OPCML: variants seen among roughly 807,000 people sequenced by gnomAD.
OPCML encodes opioid-binding protein/cell adhesion molecule.
OPCML carries 13 observed loss-of-function variants against 37.8 expected under a neutral mutation model. The ratio of observed to expected loss-of-function variants is 0.34; its 90% confidence interval spans 0.22 to 0.55. OPCML has a LOEUF of 0.55. Ranked by LOEUF, OPCML falls within the 20% of genes least tolerant of loss-of-function variation. The pLI, the probability that OPCML is intolerant of heterozygous loss-of-function variation, is 0.91. For missense variants in OPCML, 341 were observed against 435.6 expected (o/e 0.78, Z 1.93); for synonymous variants, 176 against 168.8 (o/e 1.04, Z -0.33).
At chr11:133,047,737 A>G (rs530880547) in intron 1 of OPCML, among the ~76,000 whole-genome samples, 1 of 152,240 alleles carries the variant, frequency 6.6e-6, no homozygotes, top group African/African-American at 2.4e-5. Context: ...ATTACAGCTC[A>G]GAAGCAGACA....
intron 1 of OPCML, chr11:133,009,183 A>G (rs1947168572): frequency 1.0e-6 from 1 of 985,354 alleles, no homozygotes; most frequent in Non-Finnish European, 1.2e-6. Context: ...AAAAATACAC[A>G]TTGTCTCTAA....
chr11:132,906,157 C>T (rs1944233710), intron 2 of OPCML, among the ~76,000 whole-genome samples: 1 of 152,174 alleles, frequency 6.6e-6, no homozygotes, highest in Non-Finnish European at 1.5e-5. Flanking sequence ...GGGCACCTTT[C>T]ATCGATGCAT....
At chr11:133,315,782 G>T (rs950094830) in intron 1 of OPCML, among the ~76,000 whole-genome samples, 11 of 152,072 alleles carry the variant, frequency 7.2e-5, no homozygotes, top group African/African-American at 2.7e-4. Context: ...TGGGAGACAA[G>T]AGCAAAACTC....
At chr11:133,130,386 A>G (rs546082562) in intron 1 of OPCML, among the ~76,000 whole-genome samples, 2 of 152,284 alleles carry the variant, frequency 1.3e-5, no homozygotes, top group African/African-American at 2.4e-5. Flanking sequence ...AAATGTTTTT[A>G]GAAATATTGG....
At chr11:132,911,528 G>A (rs1282694341) in intron 2 of OPCML, among the ~76,000 whole-genome samples, 1 of 152,214 alleles carries the variant, frequency 6.6e-6, no homozygotes, top group African/African-American at 2.4e-5. Flanking sequence ...TAAGTGGACT[G>A]ACATGTTATG....
chr11:133,246,653 G>A (rs1353521159), intron 1 of OPCML, among the ~76,000 whole-genome samples: 1 of 152,224 alleles, frequency 6.6e-6, no homozygotes, highest in Non-Finnish European at 1.5e-5. Context: ...GCTCAATGTG[G>A]ATGCCATGAA....
intron 1 of OPCML, among the ~76,000 whole-genome samples, chr11:132,965,149 G>A (rs1361367346): frequency 6.6e-6 from 1 of 152,200 alleles, no homozygotes; most frequent in Non-Finnish European, 1.5e-5. Flanking sequence ...TCGCTTGTAA[G>A]CTGTGCAACC....
chr11:133,078,435 G>T (rs75961988), intron 1 of OPCML, among the ~76,000 whole-genome samples: 1 of 152,166 alleles, frequency 6.6e-6, no homozygotes, highest in Non-Finnish European at 1.5e-5. Flanking sequence ...GAGGATAAAA[G>T]AAAATGAGCA....
At chr11:133,002,937 T>C (rs1947036295) in intron 1 of OPCML, among the ~76,000 whole-genome samples, 1 of 152,168 alleles carries the variant, frequency 6.6e-6, no homozygotes, top group Non-Finnish European at 1.5e-5. Context: ...CCAGGAATTG[T>C]AGTTCTCTTT....
intron 3 of OPCML, among the ~76,000 whole-genome samples, chr11:132,632,044 A>T (rs558923946): frequency 6.6e-6 from 1 of 152,102 alleles, no homozygotes; most frequent in East Asian, 1.9e-4. Context: ...TGTGGCAGCC[A>T]TGCTGATCAG....
intron 1 of OPCML, among the ~76,000 whole-genome samples, chr11:133,148,407 T>G (rs1232848223): frequency 6.6e-6 from 1 of 152,210 alleles, no homozygotes; most frequent in Non-Finnish European, 1.5e-5. Flanking sequence ...GATATCTGCT[T>G]CTTACTGCGT....
intron 1 of OPCML, chr11:133,006,140 C>T (rs1282048741): frequency 1.0e-6 from 1 of 983,964 alleles, no homozygotes; most frequent in Non-Finnish European, 1.2e-6. Context: ...GAGGAGATCC[C>T]TGGAGAAGCT....
intron 1 of OPCML, among the ~76,000 whole-genome samples, chr11:133,456,746 T>C (rs925645139): frequency 7.1e-6 from 1 of 140,412 alleles, no homozygotes; most frequent in Non-Finnish European, 1.5e-5. Context: ...AACAAACAAA[T>C]AGAAATTCTG....
At chr11:133,456,000 G>A (rs1447731886) in intron 1 of OPCML, among the ~76,000 whole-genome samples, 1 of 152,186 alleles carries the variant, frequency 6.6e-6, no homozygotes, top group African/African-American at 2.4e-5. Flanking sequence ...TTGTCTGTGG[G>A]CTTTCCACAG....
intron 1 of OPCML, among the ~76,000 whole-genome samples, chr11:133,042,616 T>C (rs960286008): frequency 1.3e-5 from 2 of 152,184 alleles, no homozygotes; most frequent in African/African-American, 4.8e-5. Flanking sequence ...AGTAACACTG[T>C]TAGTGAGCGG....
intron 2 of OPCML, among the ~76,000 whole-genome samples, chr11:132,866,839 A>T (rs1488678872): frequency 6.6e-6 from 1 of 152,232 alleles, no homozygotes; most frequent in Non-Finnish European, 1.5e-5. Context: ...CAGGTCACAC[A>T]GCTCTGAATT....
intron 3 of OPCML, among the ~76,000 whole-genome samples, chr11:132,620,515 C>T (rs1159797533): frequency 1.3e-5 from 2 of 152,108 alleles, no homozygotes; most frequent in African/African-American, 4.8e-5. Context: ...AGATGGAAGG[C>T]TAAGGGGAAT....
At chr11:133,197,894 T>A (rs1938599667) in intron 1 of OPCML, among the ~76,000 whole-genome samples, 1 of 152,006 alleles carries the variant, frequency 6.6e-6, no homozygotes, top group African/African-American at 2.4e-5. Context: ...ATCTGGGACG[T>A]TCATAGCCTG....
intron 1 of OPCML, among the ~76,000 whole-genome samples, chr11:132,951,507 C>A (rs148185660): frequency 1.1e-4 from 16 of 152,310 alleles, no homozygotes; most frequent in African/African-American, 3.8e-4. Flanking sequence ...TAAGTAGAGT[C>A]ACATTGGTGC....
Sources: gnomAD v4.1 joint callset for allele counts (sites outside exome capture counted in the v4.1 genomes callset) on GRCh38, gnomAD v4.1.1 for gene constraint, MANE v1.5 for transcripts, NCBI Gene and HGNC (gene_info 2026-07-23, HGNC 2026-07-21) for gene names.